Variants in SLC18A2 observed in about 807,000 individuals in gnomAD.
SLC18A2 encodes solute carrier family 18 member A2.
Under a neutral mutation model 59.2 loss-of-function variants are expected in SLC18A2, and 33 were observed. The observed-to-expected ratio is 0.56, with a 90% CI of 0.42 to 0.75. The LOEUF (loss-of-function observed/expected upper bound fraction) is 0.75, where lower values mean the gene tolerates loss of function less well. Among genes scored for constraint, SLC18A2 ranks in the 30% least tolerant of loss-of-function variants. SLC18A2 has a pLI of 0.00. For synonymous variants in SLC18A2, 228 were observed against 253.5 expected, an observed-to-expected ratio of 0.90 and a Z score of 0.95; for missense variants, 569 against 668.6, an observed-to-expected ratio of 0.85 and a Z score of 1.64.
chr10:117,249,658 G>A (rs1373714474), intron 3 of SLC18A2, among the ~76,000 whole-genome samples: 1 of 152,152 alleles, frequency 6.6e-6, no homozygotes, highest in African/African-American at 2.4e-5. Context: ...TGAGAAGAGA[G>A]CTTCCATTAG....
intron 10 of SLC18A2, among the ~76,000 whole-genome samples, chr10:117,260,249 GC>G (rs763068892): frequency 2.0e-4 from 30 of 152,266 alleles, no homozygotes; most frequent in Middle Eastern, 6.8e-3. Flanking sequence ...AGTGCTAGGG[GC>G]CCCACTGCTC....
intron 15 of SLC18A2, among the ~76,000 whole-genome samples, chr10:117,270,902 T>C (rs959520556): frequency 7.2e-5 from 11 of 152,218 alleles, no homozygotes. Context: ...TGTAGGATTT[T>C]AGAGATGATT....
At chr10:117,277,031 T>C in intron 15 of SLC18A2, 131 bp from the exon 16 acceptor site, 1 of 547,392 alleles carries the variant, frequency 1.8e-6, no homozygotes, top group Non-Finnish European at 3.2e-6. Context: ...TGGCGATTGC[T>C]CCAAATGACT....
At chr10:117,261,569 C>T (rs1321504124) in intron 10 of SLC18A2, among the ~76,000 whole-genome samples, 1 of 152,212 alleles carries the variant, frequency 6.6e-6, no homozygotes, top group Non-Finnish European at 1.5e-5. Context: ...CTTCAGGTGA[C>T]CTTATTCTCT....
At position 117,255,529 on chromosome 10, in the gene SLC18A2, G is replaced by A. The variant is rs761140109; in HGVS notation, c.834+7G>A. 16 of 1,614,142 alleles carry A rather than the reference G, an allele frequency of 9.9e-6. No individual in the cohort carries two copies. Among genetic ancestry groups the A allele is most frequent in the Middle Eastern group, 1.7e-4 (1 of 6,056 alleles). On this transcript the variant is annotated splice_region_variant and intron_variant, in intron 8 of 15. Transcript: ENST00000644641. ...GTCCCGGGTGCAGCCAGAGGTAAGC[G>A]GCTGGGAATGAGGGCCCTGGGGGAG...
intron 15 of SLC18A2, 122 bp from the exon 16 acceptor site, chr10:117,277,040 C>CT: frequency 1.8e-6 from 1 of 558,480 alleles, no homozygotes; most frequent in South Asian, 2.5e-5. Flanking sequence ...CTCCAAATGA[C>CT]TGGTTAATAG....
In SLC18A2 at chr10:117,257,928, A is replaced by ATTTGTCCCCAGGGCAGCC. The variant is rs1428148142; in HGVS notation, c.991+52_991+69dup. The ATTTGTCCCCAGGGCAGCC allele has an allele frequency of 2.7e-6, 4 of 1,462,800 alleles. No homozygotes were observed. The Middle Eastern group carries it at 7.4e-4, about 270-fold the overall frequency. The allele number at this position is 1,462,800 out of a possible 1,614,324, so 90.6% of individuals were successfully genotyped here. ...GGGTGGGCTCTTCTGATTCAAGAGC[A>ATTTGTCCCCAGGGCAGCC]TTTGTCCCCAGGGCAGCCTTTGTCC... On this transcript the variant is annotated intron_variant, in intron 10 of 15. Transcript: ENST00000644641.
chr10:117,276,075 G>A (rs1223391866), intron 15 of SLC18A2, among the ~76,000 whole-genome samples: 1 of 151,550 alleles, frequency 6.6e-6, no homozygotes. Context: ...AAGATCACTT[G>A]AGCCCAGGAG....
In SLC18A2 at chr10:117,278,126, CTTCAAGTT is replaced by C. The variant is rs1844525599; in HGVS notation, c.*863_*870del. On this transcript the variant is annotated 3_prime_UTR_variant, in exon 16 of 16. Coordinates refer to ENST00000644641, the MANE Select transcript of SLC18A2 (RefSeq NM_003054.6). The stretch of plus-strand genomic sequence containing the variant: ...ACATGATAAGGTTAATCGCCATCTA[CTTCAAGTT>C]TTAGAAAAGGAAACAAGAAGCTGAA... 6.6e-6 allele frequency: 1 copy of C among 152,190 alleles called. No individual in the cohort carries two copies. Among genetic ancestry groups the C allele is most frequent in the Non-Finnish European group, 1.5e-5 (1 of 68,036 alleles). 9.4% of individuals were successfully genotyped at this position (152,190 alleles called of 1,614,324 possible).
chr10:117,254,331 G>C, intron 5 of SLC18A2, 74 bp from the exon 6 acceptor site: 1 of 1,335,202 alleles, frequency 7.5e-7, no homozygotes, highest in Non-Finnish European at 1.0e-6. Context: ...TGGCTGGAGA[G>C]GGAAGGCGAG....
chr10:117,267,229 CAG>C (rs1342862473), intron 12 of SLC18A2, 194 bp downstream of exon 12: 1 of 561,586 alleles, frequency 1.8e-6, no homozygotes, highest in African/African-American at 1.9e-5. Context: ...CATTTTATGT[CAG>C]AAATTATTTA....
At chr10:117,241,437 C>T (rs1053575625) in intron 1 of SLC18A2, among the ~76,000 whole-genome samples, 18 of 152,026 alleles carry the variant, frequency 1.2e-4, no homozygotes, top group Non-Finnish European at 2.1e-4. Context: ...AGGGCAGCGT[C>T]CTGGGGGTTC....
At chr10:117,276,696 G>T (rs1213151342) in intron 15 of SLC18A2, among the ~76,000 whole-genome samples, 5 of 150,620 alleles carry the variant, frequency 3.3e-5, no homozygotes, top group Non-Finnish European at 7.4e-5. Flanking sequence ...AATGGAAACG[G>T]GTTGTAGTCC....
chr10:117,252,855 A>G (rs1449580401), intron 3 of SLC18A2, among the ~76,000 whole-genome samples: 2 of 152,132 alleles, frequency 1.3e-5, no homozygotes, highest in Non-Finnish European at 2.9e-5. Context: ...GTCCTAGGTG[A>G]GCAGTGGTCT....
intron 4 of SLC18A2, 93 bp downstream of exon 4, chr10:117,253,550 G>A (rs565909734): frequency 2.6e-4 from 92 of 353,918 alleles, no homozygotes; most frequent in African/African-American, 1.9e-3. Context: ...ACCTAAGGAC[G>A]GCGGGGGGGC....
chr10:117,276,048 T>C (rs980460626), intron 15 of SLC18A2, among the ~76,000 whole-genome samples: 12 of 150,588 alleles, frequency 8.0e-5, no homozygotes, highest in South Asian at 2.1e-4. Flanking sequence ...CCTACCACTT[T>C]GGGAGGTTGA....
intron 2 of SLC18A2, among the ~76,000 whole-genome samples, chr10:117,242,114 G>T (rs1408285690): frequency 6.6e-6 from 1 of 152,174 alleles, no homozygotes; most frequent in Non-Finnish European, 1.5e-5. Context: ...CGATGAAAAA[G>T]ATTTCTGTTC....
At position 117,270,097 on chromosome 10, in the gene SLC18A2, A is replaced by G. The variant is rs1459451509; in HGVS notation, c.1213A>G (p.Ile405Val). 3 of 1,614,120 alleles carry G rather than the reference A, an allele frequency of 1.9e-6. No individual in the cohort carries two copies. The highest frequency in any genetic ancestry group is 2.5e-6 in the Non-Finnish European group (3 of 1,180,038). ...IGMVDSSMMP[I>V]MGYLVDLRHV... Reference sequence around the variant, plus strand: ...AATGGTGGATTCGTCAATGATGCCTATCATGGGCTACCTCGTAGACCTGCG... The same window carrying G: ...AATGGTGGATTCGTCAATGATGCCTGTCATGGGCTACCTCGTAGACCTGCG... The change falls in exon 14 of 16, where the codon ATC becomes GTC. Residue 405 changes from isoleucine (I) to valine (V), a missense_variant. This residue lies in a region of SLC18A2 where 192 missense variants were observed against 278.8 expected (regional missense o/e 0.69). Transcript: ENST00000644641.
chr10:117,269,206 C>T lies in SLC18A2; in HGVS notation c.1187-865C>T, dbSNP rs970931205. On this transcript the variant is annotated intron_variant, in intron 13 of 15. Transcript: ENST00000644641. This position sits in a 1 kb window ranked among gnomAD's most constrained non-coding sequence, Gnocchi z 5.1. Reference sequence around the variant, plus strand: ...ACATACACACACACCTACACACATACACATACACACACATACACAAATACA... The same window carrying T: ...ACATACACACACACCTACACACATATACATACACACACATACACAAATACA... 1.1e-5 allele frequency among the ~76,000 whole-genome samples: 1 copy of T among 93,770 alleles called. No individual in the cohort carries two copies. Among genetic ancestry groups the T allele is most frequent in the Admixed American group, 1.0e-4 (1 of 9,592 alleles). 61.5% of individuals were successfully genotyped at this position (93,770 alleles called of 152,430 possible).
Sources: gnomAD v4.1 joint callset for allele counts (sites outside exome capture counted in the v4.1 genomes callset) on GRCh38, gnomAD v4.1.1 for gene constraint, gnomAD v4.1.1 regional missense constraint, Gnocchi (gnomAD v3.1) non-coding constraint, MANE v1.5 for transcripts, NCBI Gene and HGNC (gene_info 2026-07-23, HGNC 2026-07-21) for gene names.